The following SSUH2 variants were observed in gnomAD, a reference collection of about 807,000 sequenced individuals.
The protein encoded by SSUH2 is protein SSUH2 homolog.
In SSUH2, 47 loss-of-function variants were observed where a neutral mutation model predicts 55.3. That is an observed-to-expected ratio of 0.85 (90% confidence interval 0.67 to 1.08). SSUH2 has a LOEUF of 1.08. SSUH2 is among the 50% of genes least tolerant of loss of function. SSUH2 has a pLI of 0.00. For missense variants in SSUH2, 535 were observed against 490.7 expected (o/e 1.09, Z -0.85); for synonymous variants, 212 against 191.5 (o/e 1.11, Z -0.89).
intron 9 of SSUH2, 95 bp downstream of exon 9, chr3:8,626,134 G>A (rs1575064443): frequency 2.0e-6 from 2 of 984,104 alleles, no homozygotes; most frequent in South Asian, 2.9e-5. Flanking sequence ...CACTGTGAAA[G>A]CCCCAACCAA....
At chr3:8,636,479 C>A (rs1397070284) in intron 1 of SSUH2, among the ~76,000 whole-genome samples, 1 of 152,200 alleles carries the variant, frequency 6.6e-6, no homozygotes, top group East Asian at 1.9e-4. Context: ...GCAGAAGAAT[C>A]TCCTGCCTGA....
At chr3:8,635,498 G>T in intron 2 of SSUH2, 117 bp from the exon 3 acceptor site, 1 of 808,590 alleles carries the variant, frequency 1.2e-6, no homozygotes, top group Non-Finnish European at 1.9e-6. Context: ...AAACAGTGAT[G>T]CATTTAATGC....
chr3:8,667,671 G>A (rs1288925707), intron 5 of SSUH2, among the ~76,000 whole-genome samples: 1 of 152,176 alleles, frequency 6.6e-6, no homozygotes, highest in African/African-American at 2.4e-5. Context: ...GATTGATTAA[G>A]CCATTGGCCA....
intron 1 of SSUH2, among the ~76,000 whole-genome samples, chr3:8,636,590 TG>T (rs1303652203): frequency 1.3e-5 from 2 of 152,058 alleles, no homozygotes; most frequent in Non-Finnish European, 1.5e-5. Flanking sequence ...CTTCCTCCAG[TG>T]GACAATCTTT....
At chr3:8,681,093 G>T (rs141741091) in intron 1 of SSUH2, among the ~76,000 whole-genome samples, 941 of 93,742 alleles carry the variant, frequency 0.01, 96 homozygotes, top group Middle Eastern at 0.049. Context: ...GGGGGGAGAG[G>T]CACCCCCGCG....
intron 5 of SSUH2, among the ~76,000 whole-genome samples, chr3:8,670,150 C>T (rs2125403484): frequency 6.6e-6 from 1 of 152,138 alleles, no homozygotes; most frequent in Non-Finnish European, 1.5e-5. Flanking sequence ...CTTGGCAGCT[C>T]GTTTATGACC....
intron 7 of SSUH2, 114 bp downstream of exon 7, chr3:8,629,550 T>G: frequency 1.0e-5 from 9 of 864,950 alleles, no homozygotes; most frequent in Non-Finnish European, 1.7e-5. Flanking sequence ...ATGACTTGGC[T>G]GAGATGACAC....
exon 6 of SSUH2, chr3:8,663,793 A>G (rs1703726221): frequency 2.2e-6 from 1 of 456,634 alleles, no homozygotes. Context: ...CACAGGGGAC[A>G]CACAGGTAAC....
chr3:8,663,652 C>G, intron 6 of SSUH2: 1 of 351,974 alleles, frequency 2.8e-6, no homozygotes, highest in South Asian at 2.2e-5. Flanking sequence ...GCAATGTCCA[C>G]CAGGGGGTGC....
chr3:8,644,395 T>G (rs189683507), intron 1 of SSUH2, among the ~76,000 whole-genome samples: 1 of 152,308 alleles, frequency 6.6e-6, no homozygotes, highest in Non-Finnish European at 1.5e-5. Flanking sequence ...TTGCATGGTG[T>G]CACTGTGATA....
At chr3:8,634,423 C>G (rs1253562070) in intron 3 of SSUH2, 1 of 1,290,588 alleles carries the variant, frequency 7.7e-7, no homozygotes, top group Admixed American at 2.3e-5. Context: ...CCCAACACCT[C>G]CAAGAGGAAA....
intron 6 of SSUH2, among the ~76,000 whole-genome samples, chr3:8,663,334 C>G (rs1231699715): frequency 6.6e-6 from 1 of 152,264 alleles, no homozygotes; most frequent in African/African-American, 2.4e-5. Flanking sequence ...TGGAATTCAC[C>G]TACCCCCTCC....
chr3:8,645,954 G>T (rs562709474), upstream of SSUH2, among the ~76,000 whole-genome samples: 1 of 152,152 alleles, frequency 6.6e-6, no homozygotes, highest in Non-Finnish European at 1.5e-5. Flanking sequence ...CTCACAAATC[G>T]ATTTTTATGG....
rs998498276 is a variant in SSUH2 at position 8,656,169 on chromosome 3, C to A, written c.-307+2756G>T. On this transcript the variant is annotated intron_variant, in intron 7 of 18. Transcript: ENST00000317371. ...TGCAAATCTCAAACAGAACACACAA[C>A]TGAAAAGCCTTCATGTTTAGGTTTG... Among the ~76,000 whole-genome samples the A allele has an allele frequency of 5.2e-4, 79 of 152,166 alleles. 4 individuals carry two copies. Among genetic ancestry groups the A allele is most frequent in the Non-Finnish European group, 1.5e-4 (10 of 68,012 alleles).
chr3:8,674,267 G>C (rs558683302), intron 3 of SSUH2, among the ~76,000 whole-genome samples: 4 of 152,330 alleles, frequency 2.6e-5, no homozygotes, highest in African/African-American at 7.2e-5. Context: ...AGGGTTTGCA[G>C]CGTAACCAGT....
chr3:8,626,537 G>GCC (rs58662232), intron 8 of SSUH2, among the ~76,000 whole-genome samples: 12 of 107,642 alleles, frequency 1.1e-4, no homozygotes, highest in Non-Finnish European at 1.7e-4. Flanking sequence ...TCTAGGGCCT[G>GCC]CCCCCCCCCC....
upstream of SSUH2, among the ~76,000 whole-genome samples, chr3:8,645,235 A>T (rs1371392673): frequency 6.6e-6 from 1 of 152,144 alleles, no homozygotes; most frequent in African/African-American, 2.4e-5. Flanking sequence ...ATATACAGAT[A>T]CTCAGCCTGG....
At chr3:8,639,587 A>G (rs1700496841) in intron 1 of SSUH2, among the ~76,000 whole-genome samples, 2 of 152,188 alleles carry the variant, frequency 1.3e-5, no homozygotes. Context: ...ACCACCCACA[A>G]GATATTTTTC....
In SSUH2 at chr3:8,679,177, C is replaced by CCG; in HGVS notation, c.-901+527_-901+528insCG. Among the ~76,000 whole-genome samples the CCG allele has an allele frequency of 4.2e-4, 3 of 7,164 alleles. 1 individual carries two copies. The highest frequency in any genetic ancestry group is 1.1e-3 in the Non-Finnish European group (3 of 2,750). 4.7% of individuals were successfully genotyped at this position (7,164 alleles called of 152,430 possible). A position where few individuals can be genotyped will look rare whatever the true frequency, so the allele number is the denominator to read the frequency against. Reference sequence around the variant, plus strand: ...GGGGACTGAGAGGCAGCCGCTGTTCCCCCACACTGGCTCTTGGGACCCCCA... The same window carrying CCG: ...GGGGACTGAGAGGCAGCCGCTGTTCCCGCCCACACTGGCTCTTGGGACCCCCA... On this transcript the variant is annotated intron_variant, in intron 2 of 18. Transcript: ENST00000317371.
Sources: allele counts gnomAD v4.1 joint callset (sites outside exome capture counted in the v4.1 genomes callset), GRCh38; gene constraint gnomAD v4.1.1; transcripts MANE v1.5; gene names NCBI Gene and HGNC (gene_info 2026-07-23, HGNC 2026-07-21).